Variants in CEP89 observed in about 807,000 individuals in gnomAD.
CEP89 encodes centrosomal protein of 89 kDa.
Under a neutral mutation model 97.6 loss-of-function variants are expected in CEP89, and 95 were observed. That is an observed-to-expected ratio of 0.97 (90% CI 0.82 to 1.15). The LOEUF (loss-of-function observed/expected upper bound fraction) is 1.15, where lower values mean the gene tolerates loss of function less well. CEP89 is among the 50% of genes most tolerant of loss of function. CEP89 has a pLI of 0.00. For missense variants in CEP89, 869 were observed against 947.7 expected (o/e 0.92, Z 1.09); for synonymous variants, 354 against 349.1 (o/e 1.01, Z -0.16).
intron 1 of CEP89, among the ~76,000 whole-genome samples, chr19:32,968,708 A>G (rs957706325): frequency 1.3e-5 from 2 of 152,000 alleles, no homozygotes; most frequent in Admixed American, 1.3e-4. Context: ...TCTACTGGGC[A>G]TAAAAACCCT....
At chr19:32,900,772 C>A (rs1395527235) in intron 15 of CEP89, among the ~76,000 whole-genome samples, 1 of 151,886 alleles carries the variant, frequency 6.6e-6, no homozygotes. Context: ...TGGTTAACAG[C>A]AACAATACTT....
chr19:32,879,662 T>A (rs191840668), intron 18 of CEP89, among the ~76,000 whole-genome samples: 1 of 152,278 alleles, frequency 6.6e-6, no homozygotes, highest in East Asian at 1.9e-4. Flanking sequence ...TCCCTCTATG[T>A]TCTGCCCTTG....
chr19:32,942,976 C>T (rs1008216035), intron 5 of CEP89, among the ~76,000 whole-genome samples: 3 of 151,782 alleles, frequency 2.0e-5, no homozygotes, highest in Non-Finnish European at 4.4e-5. Context: ...CTCCAGCTGC[C>T]AGGCTCAGAT....
intron 9 of CEP89, among the ~76,000 whole-genome samples, chr19:32,930,468 CT>C (rs1388937345): frequency 6.6e-6 from 1 of 151,856 alleles, no homozygotes; most frequent in African/African-American, 2.4e-5. Flanking sequence ...TATTTCAAAG[CT>C]GTTATTAAAA....
At chr19:32,925,507 C>CT (rs888839950) in intron 11 of CEP89, among the ~76,000 whole-genome samples, 1 of 61,842 alleles carries the variant, frequency 1.6e-5, no homozygotes, top group African/African-American at 9.8e-5. Flanking sequence ...TTTTTTTTTT[C>CT]GAGACGGAGT....
At chr19:32,960,097 A>C in intron 2 of CEP89, 39 bp from the exon 3 acceptor site, 1 of 1,610,624 alleles carries the variant, frequency 6.2e-7, no homozygotes. Flanking sequence ...GTGAGACATG[A>C]ACATTCCAGG....
intron 5 of CEP89, among the ~76,000 whole-genome samples, chr19:32,943,927 C>A (rs941080160): frequency 6.6e-6 from 1 of 151,796 alleles, no homozygotes; most frequent in African/African-American, 2.4e-5. Context: ...CAGCTTTGTG[C>A]TTTGAAAAGA....
At chr19:32,913,062 A>T (rs140234260) in intron 14 of CEP89, among the ~76,000 whole-genome samples, 4,116 of 148,178 alleles carry the variant, frequency 0.028, 199 homozygotes, top group African/African-American at 0.096. Flanking sequence ...AAAAAAATTT[A>T]AAAAATAGAA....
intron 4 of CEP89, 26 bp from the exon 5 acceptor site, chr19:32,948,394 C>T: frequency 1.4e-6 from 2 of 1,447,726 alleles, no homozygotes; most frequent in African/African-American, 2.8e-5. Flanking sequence ...GACAAAGGAG[C>T]AAAAAAGTGA....
intron 12 of CEP89, 76 bp from the exon 13 acceptor site, chr19:32,918,415 G>A (rs1599739077): frequency 1.9e-6 from 2 of 1,034,454 alleles, no homozygotes; most frequent in East Asian, 2.4e-5. Context: ...AATCTAAAAG[G>A]AAGCAATGGC....
chr19:32,946,570 T>G (rs535773156), intron 5 of CEP89, among the ~76,000 whole-genome samples: 1 of 152,226 alleles, frequency 6.6e-6, no homozygotes, highest in Admixed American at 6.6e-5. Context: ...ATGGTCTGGC[T>G]GTGTCCCCAC....
At chr19:32,962,407 G>A (rs1488739011) in intron 2 of CEP89, among the ~76,000 whole-genome samples, 1 of 152,150 alleles carries the variant, frequency 6.6e-6, no homozygotes, top group Non-Finnish European at 1.5e-5. Context: ...CACATCTGAG[G>A]TAGTATCTTT....
chr19:32,966,588 A>G (rs1411449349), intron 1 of CEP89, 122 bp from the exon 2 acceptor site: 1 of 448,526 alleles, frequency 2.2e-6, no homozygotes, highest in Non-Finnish European at 3.8e-6. Flanking sequence ...ATCCAAACCC[A>G]TCAGAAGCCC....
rs541583223 is a variant in CEP89 at position 32,925,788 on chromosome 19, C to G, written c.1164+402G>C. 1.6e-3 allele frequency among the ~76,000 whole-genome samples: 249 copies of G among 152,104 alleles called. 2 individuals carry two copies. Among genetic ancestry groups the G allele is most frequent in the African/African-American group, 5.6e-3 (234 of 41,512 alleles). On this transcript the variant is annotated intron_variant, in intron 11 of 18. Transcript: ENST00000305768. The stretch of plus-strand genomic sequence containing the variant: ...CAGGCGTGAGCCACCGCGCCCAGCC[C>G]AAATGTCCCTTCTAATGGTGGTATT...
In CEP89 at chr19:32,964,706, A is replaced by C. The variant is rs538804392; in HGVS notation, c.146+1654T>G. Among the ~76,000 whole-genome samples, 4 of 152,304 alleles carry C rather than the reference A, an allele frequency of 2.6e-5. No individual in the cohort carries two copies. The East Asian group carries it at 7.7e-4, about 29-fold the overall frequency. On this transcript the variant is annotated intron_variant, in intron 2 of 18. Transcript: ENST00000305768. ...AACTCCACTTATATAAAATTCTAGA[A>C]AATACAAGCTAATCCATAGTGTGAG...
intron 1 of CEP89, among the ~76,000 whole-genome samples, 183 bp from the exon 2 acceptor site, chr19:32,966,649 G>T (rs1971290958): frequency 1.3e-5 from 2 of 152,200 alleles, no homozygotes; most frequent in Non-Finnish European, 2.9e-5. Flanking sequence ...AGTGCACACA[G>T]CCAAGGAGCA....
chr19:32,960,033 C>G lies in CEP89; in HGVS notation c.172G>C (p.Ala58Pro). The G allele has an allele frequency of 6.2e-7, 1 of 1,614,208 alleles. No individual in the cohort carries two copies. The highest frequency in any genetic ancestry group is 1.1e-5 in the South Asian group (1 of 91,090). ...PRSALAAAIL[A>P]TTLTGRTVAI... ...ACCGTCCGCCCAGTCAATGTTGTCG[C>G]CAGAATGGCTGCTGCCAGAGCAGAT... The change falls in exon 3 of 19, where the codon GCG becomes CCG. Residue 58 changes from alanine to proline, a missense_variant. Transcript: ENST00000305768.
chr19:32,926,355 T>C (rs1970357311), intron 10 of CEP89, 82 bp from the exon 11 acceptor site: 2 of 984,230 alleles, frequency 2.0e-6, no homozygotes, highest in African/African-American at 1.6e-5. Context: ...CAAGAAGTTA[T>C]ACTTTTTTGA....
Position 32,915,391 on chromosome 19 carries a change from G to T in CEP89, c.1511C>A (p.Ser504Ter), listed in dbSNP as rs764278381. 2 of 1,612,868 alleles carry T rather than the reference G, an allele frequency of 1.2e-6. No homozygotes were observed. Among genetic ancestry groups the T allele is most frequent in the Non-Finnish European group, 1.7e-6 (2 of 1,179,618 alleles). Residue 504 changes from serine to a stop codon, truncating the protein, a stop_gained, in exon 14 of 19, where the codon TCG (serine) becomes TAG (stop). Coordinates refer to ENST00000305768, the MANE Select transcript of CEP89 (RefSeq NM_032816.5). LOFTEE classifies it high-confidence loss of function. Reference sequence around the variant, plus strand: ...AACTTCCACTGCGATTTTGCCATCCGAGTGTGTTTTGAGTTCTTGGCATTT... The same window carrying T: ...AACTTCCACTGCGATTTTGCCATCCTAGTGTGTTTTGAGTTCTTGGCATTT... ...RAKCQELKTH[S>*]DGKIAVEVHK...
Sources: allele counts gnomAD v4.1 joint callset (sites outside exome capture counted in the v4.1 genomes callset), GRCh38; gene constraint gnomAD v4.1.1; transcripts MANE v1.5; gene names NCBI Gene and HGNC (gene_info 2026-07-23, HGNC 2026-07-21).